NBEA: variants seen among roughly 807,000 people sequenced by gnomAD.
NBEA encodes the protein neurobeachin, also known as lysosomal-trafficking regulator 2.
Under a neutral mutation model 343.4 loss-of-function variants are expected in NBEA, and 44 were observed. The observed-to-expected ratio is 0.13, with a 90% CI of 0.10 to 0.16. NBEA has a LOEUF of 0.16. Among genes scored for constraint, NBEA ranks in the 10% least tolerant of loss-of-function variants. NBEA has a pLI of 1.00. For synonymous variants in NBEA, 1,175 were observed against 1,238.7 expected (o/e 0.95, Z 1.08); for missense variants, 2,555 against 3,631.3 (o/e 0.70, Z 7.62).
At chr13:35,166,208 TA>T (rs539910109) in intron 24 of NBEA, among the ~76,000 whole-genome samples, 4 of 152,292 alleles carry the variant, frequency 2.6e-5, no homozygotes, top group South Asian at 2.1e-4. Flanking sequence ...AGTTTAGCAA[TA>T]AGTTATTTCA....
intron 36 of NBEA, among the ~76,000 whole-genome samples, chr13:35,311,263 A>G (rs2037345958): frequency 6.6e-6 from 1 of 151,942 alleles, no homozygotes; most frequent in Non-Finnish European, 1.5e-5. Flanking sequence ...TTTAAGTTTT[A>G]GAAATAACTC....
At chr13:35,309,841 C>A (rs2037234282) in intron 36 of NBEA, among the ~76,000 whole-genome samples, 1 of 152,118 alleles carries the variant, frequency 6.6e-6, no homozygotes, top group Admixed American at 6.6e-5. Flanking sequence ...GTACATTTTA[C>A]TGAGTAGTAA....
intron 53 of NBEA, among the ~76,000 whole-genome samples, chr13:35,653,866 A>G (rs185294648): frequency 2.1e-4 from 32 of 152,320 alleles, no homozygotes; most frequent in Middle Eastern, 3.4e-3. Flanking sequence ...TAATAGGTCT[A>G]TTCTAATTAG....
chr13:35,008,654 C>T (rs2061391402), intron 1 of NBEA, among the ~76,000 whole-genome samples: 1 of 152,120 alleles, frequency 6.6e-6, no homozygotes, highest in Non-Finnish European at 1.5e-5. Flanking sequence ...TAGAATACTT[C>T]CATTACATTA....
chr13:35,470,216 A>G (rs1226482726), intron 40 of NBEA, among the ~76,000 whole-genome samples: 2 of 152,230 alleles, frequency 1.3e-5, no homozygotes, highest in South Asian at 4.1e-4. Context: ...AATCTCCTCA[A>G]CAGAAGGATA....
intron 38 of NBEA, among the ~76,000 whole-genome samples, chr13:35,405,030 G>A (rs560684020): frequency 6.6e-6 from 1 of 152,270 alleles, no homozygotes; most frequent in East Asian, 1.9e-4. Flanking sequence ...GGCACACTCT[G>A]TGGACCCTGA....
intron 27 of NBEA, among the ~76,000 whole-genome samples, chr13:35,174,055 C>G (rs2070686234): frequency 6.6e-6 from 1 of 152,068 alleles, no homozygotes; most frequent in Non-Finnish European, 1.5e-5. Context: ...GGCGTCACAT[C>G]CAGTTTCATT....
chr13:35,488,743 C>T (rs968975111), intron 41 of NBEA, among the ~76,000 whole-genome samples: 3 of 151,574 alleles, frequency 2.0e-5, no homozygotes, highest in Admixed American at 2.0e-4. Flanking sequence ...TAAATTAAAC[C>T]AAAGTAGTCA....
At chr13:35,031,230 C>A (rs1221818631) in intron 1 of NBEA, among the ~76,000 whole-genome samples, 1 of 151,560 alleles carries the variant, frequency 6.6e-6, no homozygotes, top group Non-Finnish European at 1.5e-5. Context: ...TTCTCGAGAA[C>A]CTTTTCTGAG....
intron 30 of NBEA, among the ~76,000 whole-genome samples, chr13:35,188,667 T>G (rs1010628475): frequency 3.9e-5 from 6 of 152,158 alleles, no homozygotes; most frequent in African/African-American, 1.4e-4. Flanking sequence ...TTTTGACTAT[T>G]GTGAATAATG....
At chr13:35,177,946 G>T (rs1000087435) in intron 28 of NBEA, among the ~76,000 whole-genome samples, 2 of 151,514 alleles carry the variant, frequency 1.3e-5, no homozygotes, top group African/African-American at 4.8e-5. Context: ...TATATGTTAG[G>T]AATGTACAAT....
intron 1 of NBEA, among the ~76,000 whole-genome samples, chr13:35,009,293 A>G (rs1257060227): frequency 6.6e-6 from 1 of 152,228 alleles, no homozygotes; most frequent in East Asian, 1.9e-4. Flanking sequence ...TACACCTGAA[A>G]TACATAGTAT....
chr13:35,040,711 C>T (rs1343966423), intron 1 of NBEA, among the ~76,000 whole-genome samples: 7 of 152,026 alleles, frequency 4.6e-5, no homozygotes, highest in Admixed American at 2.6e-4. Flanking sequence ...TTGAAATCAC[C>T]CTTTTCCATT....
intron 33 of NBEA, among the ~76,000 whole-genome samples, chr13:35,230,157 T>C (rs912348264): frequency 6.6e-6 from 1 of 152,086 alleles, no homozygotes; most frequent in Admixed American, 6.6e-5. Flanking sequence ...TTCTGAGAAA[T>C]ATCTGTTTTT....
intron 1 of NBEA, among the ~76,000 whole-genome samples, chr13:34,981,537 C>G (rs1403394866): frequency 6.6e-6 from 1 of 152,102 alleles, no homozygotes; most frequent in Admixed American, 6.6e-5. Flanking sequence ...CTTAGGATAA[C>G]CCCATGATGT....
chr13:35,143,428 A>G (rs1285918962), intron 18 of NBEA, among the ~76,000 whole-genome samples: 1 of 152,220 alleles, frequency 6.6e-6, no homozygotes, highest in Non-Finnish European at 1.5e-5. Context: ...TCAAAACAAG[A>G]AAAGAAAAGT....
chr13:35,432,975 G>T (rs1000721114), intron 39 of NBEA, among the ~76,000 whole-genome samples: 1 of 151,566 alleles, frequency 6.6e-6, no homozygotes, highest in East Asian at 1.9e-4. Flanking sequence ...TAATAAAATA[G>T]AATTTAAAAT....
At chr13:35,342,109 A>G (rs1180709389) in intron 36 of NBEA, among the ~76,000 whole-genome samples, 1 of 152,112 alleles carries the variant, frequency 6.6e-6, no homozygotes, top group Non-Finnish European at 1.5e-5. Flanking sequence ...AGCCAGACAC[A>G]TATTGTATGA....
At chr13:35,099,889 GA>G (rs571280975) in intron 11 of NBEA, among the ~76,000 whole-genome samples, 112 of 152,156 alleles carry the variant, frequency 7.4e-4, no homozygotes, top group Non-Finnish European at 1.4e-3. Context: ...GGGATTTCAT[GA>G]ATAAGCGTTT....
Sources: allele counts gnomAD v4.1 joint callset (sites outside exome capture counted in the v4.1 genomes callset), GRCh38; gene constraint gnomAD v4.1.1; transcripts MANE v1.5; gene names NCBI Gene and HGNC (gene_info 2026-07-23, HGNC 2026-07-21).